The following EIF5 variants were observed in gnomAD, a reference collection of about 807,000 sequenced individuals.
EIF5 encodes eukaryotic translation initiation factor 5.
EIF5 carries 10 observed loss-of-function variants against 48.3 expected under a neutral mutation model. The ratio of observed to expected loss-of-function variants is 0.21; its 90% CI spans 0.13 to 0.35. The LOEUF (loss-of-function observed/expected upper bound fraction) is 0.35, where lower values mean the gene tolerates loss of function less well. EIF5 is among the 10% of genes least tolerant of loss of function. EIF5 has a pLI of 1.00. For missense variants in EIF5, 397 were observed against 533.2 expected (o/e 0.74, Z 2.51); for synonymous variants, 237 against 173.1 (o/e 1.37, Z -2.90).
At chr14:103,338,699 A>G (rs763511551) in intron 7 of EIF5, 36 bp from the exon 8 acceptor site, 1 of 1,593,972 alleles carries the variant, frequency 6.3e-7, no homozygotes, top group Non-Finnish European at 8.5e-7. Context: ...GTTGTTTTTA[A>G]GGCCTTTGAT....
intron 6 of EIF5, chr14:103,337,476 C>A: frequency 2.1e-6 from 1 of 471,886 alleles, no homozygotes; most frequent in Non-Finnish European, 3.7e-6. Flanking sequence ...GTGGTGTGCT[C>A]CTGTAATCCC....
Position 103,339,776 on chromosome 14 carries a change from A to C in EIF5, c.1044A>C (p.Glu348Asp), listed in dbSNP as rs1186090849. The C allele has an allele frequency of 1.2e-6, 2 of 1,614,202 alleles. No homozygotes were observed. Among genetic ancestry groups the C allele is most frequent in the Non-Finnish European group, 1.7e-6 (2 of 1,180,032 alleles). ...TGTACGATGCAGACCTTTTAGAAGA[A>C]GAGGTCATCATCAGCTGGTCGGAAA... is the stretch of plus-strand genomic sequence containing the variant. ...KEMYDADLLE[E>D]EVIISWSEKA... The change falls in exon 10 of 12, where the codon GAA becomes GAC. Residue 348 changes from glutamate (E) to aspartate (D), a missense_variant. By Grantham distance (45) the Glu-to-Asp change is conservative. This residue lies in a region of EIF5 where 160 missense variants were observed against 184.8 expected (regional missense o/e 0.87). Coordinates refer to ENST00000216554, the MANE Select transcript of EIF5 (RefSeq NM_001969.5).
chr14:103,341,131 T>C lies in EIF5; in HGVS notation c.*79T>C. The C allele has an allele frequency of 6.1e-6, 8 of 1,320,672 alleles. No homozygotes were observed. The South Asian group carries it at 9.5e-5, about 16-fold the overall frequency. 81.8% of individuals were successfully genotyped at this position (1,320,672 alleles called of 1,614,324 possible). The stretch of plus-strand genomic sequence containing the variant: ...ATCAGCCAGAAGTGCAACATGTATG[T>C]GCAAAAGCTAAAATGGCTTAACATC... On this transcript the variant is annotated 3_prime_UTR_variant, in exon 12 of 12. Transcript: ENST00000216554.
chr14:103,338,384 A>G lies in EIF5; in HGVS notation c.497A>G (p.Lys166Arg). 6.2e-7 allele frequency: 1 copy of G among 1,613,658 alleles called. No individual in the cohort carries two copies. Among genetic ancestry groups the G allele is most frequent in the Non-Finnish European group, 8.5e-7 (1 of 1,179,708 alleles). ...AAAGAAAAGAAAAACAGAAAGGGCA[A>G]AGACAAGGAAAATGGCTCCGTATCC... The part of the protein sequence containing the change: ...KEKEKKNRKG[K>R]DKENGSVSSS... The change falls in exon 7 of 12, where the codon AAA becomes AGA. Residue 166 changes from lysine to arginine, a missense_variant. Lys to Arg is a conservative substitution (Grantham distance 26). Transcript: ENST00000216554.
chr14:103,340,352 A>G, intron 10 of EIF5, 75 bp from the exon 11 acceptor site: 3 of 1,513,196 alleles, frequency 2.0e-6, no homozygotes, highest in Non-Finnish European at 2.7e-6. Context: ...CCCTCAGCTC[A>G]GTAAGGGGGA....
chr14:103,338,192 G>A (rs1373709153), intron 6 of EIF5, 135 bp from the exon 7 acceptor site: 22 of 1,218,526 alleles, frequency 1.8e-5, no homozygotes, highest in Non-Finnish European at 2.4e-5. Flanking sequence ...AGCCTCTTAG[G>A]TAGCATTGTG....
At chr14:103,336,317 C>G (rs1428268512) in intron 4 of EIF5, 200 bp downstream of exon 4, 2 of 647,344 alleles carry the variant, frequency 3.1e-6, no homozygotes, top group East Asian at 2.8e-5. Context: ...CGCGTTGGCT[C>G]ACACCTGTAA....
Position 103,341,805 on chromosome 14 carries a change from A to G in EIF5, c.*753A>G, listed in dbSNP as rs909253924. ...CAGGGAAATTATTACATTAACAAGC[A>G]TTTTGTGTGTACGTAGTAGTTACTT... On this transcript the variant is annotated 3_prime_UTR_variant, in exon 12 of 12. Transcript: ENST00000216554. 8.5e-5 allele frequency: 13 copies of G among 152,618 alleles called. No homozygotes were observed. The highest frequency in any genetic ancestry group is 3.1e-4 in the African/African-American group (13 of 41,442). The allele number at this position is 152,618 out of a possible 1,614,324, so 9.5% of individuals were successfully genotyped here.
chr14:103,336,002 G>A (rs548244374), intron 3 of EIF5, 34 bp from the exon 4 acceptor site: 5 of 1,613,668 alleles, frequency 3.1e-6, no homozygotes, highest in South Asian at 2.2e-5. Flanking sequence ...TTTGTCAGGG[G>A]AAACTGCACA....
At chr14:103,335,393 C>T (rs373790625) in intron 2 of EIF5, 2 of 159,578 alleles carry the variant, frequency 1.3e-5, no homozygotes, top group Non-Finnish European at 1.4e-5. Flanking sequence ...TGGAATCTCA[C>T]GGCGGCTGAG....
At chr14:103,337,311 G>A in intron 6 of EIF5, 84 bp downstream of exon 6, 1 of 1,183,138 alleles carries the variant, frequency 8.5e-7, no homozygotes, top group Non-Finnish European at 1.2e-6. Flanking sequence ...TTTGTAATAG[G>A]AATGTAAGGG....
At position 103,341,063 on chromosome 14, in the gene EIF5, G is replaced by A. The variant is rs1307920908; in HGVS notation, c.*11G>A. 2.5e-6 allele frequency: 4 copies of A among 1,613,488 alleles called. No homozygotes were observed. In the Admixed American group the frequency reaches 5.0e-5, roughly 20 times the overall value. ...ATTGATGCCATTTAAAGGGATGGAT[G>A]CAACCTAGCTTAACAGTATAATGCT... On this transcript the variant is annotated 3_prime_UTR_variant, in exon 12 of 12. Coordinates refer to ENST00000216554, the MANE Select transcript of EIF5 (RefSeq NM_001969.5).
In EIF5 at chr14:103,336,970, T is replaced by C. The variant is rs77587826; in HGVS notation, c.327+121T>C. 1.2e-3 allele frequency: 1,676 copies of C among 1,393,782 alleles called. 22 individuals carry two copies. The African/African-American group carries it at 0.022, about 19-fold the overall frequency. 86.3% of individuals were successfully genotyped at this position (1,393,782 alleles called of 1,614,324 possible). A position where few individuals can be genotyped will look rare whatever the true frequency, so the allele number is the denominator to read the frequency against. Reference sequence around the variant, plus strand: ...TTAAATCAAACACAAAACTCCAGTTTTCGAGATATTTCCATTCTTTTTTTT... The same window carrying C: ...TTAAATCAAACACAAAACTCCAGTTCTCGAGATATTTCCATTCTTTTTTTT... On this transcript the variant is annotated intron_variant, in intron 5 of 11. Coordinates refer to ENST00000216554, the MANE Select transcript of EIF5 (RefSeq NM_001969.5).
At position 103,336,684 on chromosome 14, in the gene EIF5, C is replaced by T. The variant is rs2089291030; in HGVS notation, c.162C>T (p.Thr54=). The T allele has an allele frequency of 6.2e-7, 1 of 1,607,064 alleles. No homozygotes were observed. The highest frequency in any genetic ancestry group is 2.2e-5 in the East Asian group (1 of 44,774). Residue 54 remains threonine, a synonymous_variant, in exon 5 of 12, where the codon ACC becomes ACT. Transcript: ENST00000216554. The part of the protein sequence containing the change: ...KALNRPPTYP[T]KYFGCELGAQ... Reference sequence around the variant, plus strand: ...CCTTTTTCATTCAAATAGATCCCACCAAATATTTTGGTTGTGAGCTGGGAG... The same window carrying T: ...CCTTTTTCATTCAAATAGATCCCACTAAATATTTTGGTTGTGAGCTGGGAG...
rs2089377908 is a variant in EIF5, at chr14:103,343,526, C to G, written c.*2474C>G. The G allele has an allele frequency of 6.6e-6, 1 of 152,164 alleles. No individual in the cohort carries two copies. The highest frequency in any genetic ancestry group is 2.4e-5 in the African/African-American group (1 of 41,426). The allele number at this position is 152,164 out of a possible 1,614,324, so 9.4% of individuals were successfully genotyped here. A position where few individuals can be genotyped will look rare whatever the true frequency, so the allele number is the denominator to read the frequency against. On this transcript the variant is annotated 3_prime_UTR_variant, in exon 12 of 12. Coordinates refer to ENST00000216554, the MANE Select transcript of EIF5 (RefSeq NM_001969.5). The stretch of plus-strand genomic sequence containing the variant: ...CTAAACAAGTGCATTCTGAAATTGA[C>G]TTAAAAATTTTTAGTGTGGGTCCTA...
chr14:103,337,493 TC>T (rs2089301226), intron 6 of EIF5: 1 of 437,298 alleles, frequency 2.3e-6, no homozygotes, highest in Non-Finnish European at 4.1e-6. Flanking sequence ...TCCCAGCTAC[TC>T]CGGTAGCTGA....
intron 9 of EIF5, 31 bp downstream of exon 9, chr14:103,339,364 G>T (rs747531907): frequency 6.4e-7 from 1 of 1,570,016 alleles, no homozygotes; most frequent in South Asian, 1.2e-5. Flanking sequence ...TCATAAATGA[G>T]ATTACAGTTG....
rs185287709 is a variant in EIF5, at chr14:103,342,200, T to A, written c.*1148T>A. The A allele has an allele frequency of 2.0e-4, 30 of 152,722 alleles. No homozygotes were observed. The highest frequency in any genetic ancestry group is 9.7e-4 in the East Asian group (5 of 5,180). The allele number at this position is 152,722 out of a possible 1,614,324, so 9.5% of individuals were successfully genotyped here. A position where few individuals can be genotyped will look rare whatever the true frequency, so the allele number is the denominator to read the frequency against. On this transcript the variant is annotated 3_prime_UTR_variant, in exon 12 of 12. Coordinates refer to ENST00000216554, the MANE Select transcript of EIF5 (RefSeq NM_001969.5). Reference sequence around the variant, plus strand: ...AGAAAGCTAAAAGCATACTTCTAAGTCAGAGCCTCTATTTTGGTGTAAGAC... The same window carrying A: ...AGAAAGCTAAAAGCATACTTCTAAGACAGAGCCTCTATTTTGGTGTAAGAC...
chr14:103,338,692 G>T (rs1242474310), intron 7 of EIF5, 43 bp from the exon 8 acceptor site: 4 of 1,588,612 alleles, frequency 2.5e-6, no homozygotes, highest in Admixed American at 3.7e-5. Flanking sequence ...TTTTGTTGTT[G>T]TTTTTAAGGC....
Sources: gnomAD v4.1 joint callset for allele counts on GRCh38, gnomAD v4.1.1 for gene constraint, gnomAD v4.1.1 regional missense constraint, MANE v1.5 for transcripts, NCBI Gene and HGNC (gene_info 2026-07-23, HGNC 2026-07-21) for gene names.